Variants in TENM4 observed in about 807,000 individuals in gnomAD.
TENM4 encodes the protein teneurin transmembrane protein 4, also known as teneurin-4.
TENM4 carries 82 observed loss-of-function variants against 243.3 expected under a neutral mutation model. The ratio of observed to expected loss-of-function variants is 0.34; its 90% CI spans 0.28 to 0.40. TENM4 has a LOEUF of 0.40. Among genes scored for constraint, TENM4 ranks in the 10% least tolerant of loss-of-function variants. The pLI, the probability that TENM4 is intolerant of heterozygous loss-of-function variation, is 1.00. For missense variants in TENM4, 3,138 were observed against 3,673.3 expected (o/e 0.85, Z 3.77); for synonymous variants, 1,412 against 1,456.3 (o/e 0.97, Z 0.69).
Position 78,658,438 on chromosome 11 carries a change from C to A in TENM4, c.7930G>T (p.Gly2644Trp), listed in dbSNP as rs776302209. The A allele has an allele frequency of 6.2e-7, 1 of 1,613,878 alleles. No individual in the cohort carries two copies. The highest frequency in any genetic ancestry group is 8.5e-7 in the Non-Finnish European group (1 of 1,179,858). ...LSGGRRTLENGVNVTVSQINT... is the reference protein window; with the variant it reads ...LSGGRRTLENWVNVTVSQINT... ...ATCTGGGACACAGTGACGTTGACCC[C>A]ATTCTCCAGGGTTCGCCGCCCCCCA... The change falls in exon 34 of 34, where the codon GGG (glycine) becomes TGG (tryptophan). Residue 2644 changes from glycine to tryptophan, a missense_variant. Physicochemically the swap from Gly to Trp is radical, Grantham distance 184. Transcript: ENST00000278550.
intron 6 of TENM4, among the ~76,000 whole-genome samples, chr11:79,036,220 A>G (rs1157805473): frequency 6.6e-6 from 1 of 152,224 alleles, no homozygotes; most frequent in East Asian, 1.9e-4. Flanking sequence ...CACTTTGAGG[A>G]GCAAGGCTCC....
At chr11:79,164,301 T>G (rs1489991393) in intron 3 of TENM4, among the ~76,000 whole-genome samples, 4 of 126,490 alleles carry the variant, frequency 3.2e-5, no homozygotes, top group African/African-American at 1.0e-4. Flanking sequence ...TACTAGTATA[T>G]ATAGTATATA....
At chr11:79,147,365 G>T (rs1042951918) in intron 4 of TENM4, among the ~76,000 whole-genome samples, 1 of 152,074 alleles carries the variant, frequency 6.6e-6, no homozygotes, top group African/African-American at 2.4e-5. Flanking sequence ...TATGGCATCA[G>T]TGAGAGATTG....
intron 1 of TENM4, among the ~76,000 whole-genome samples, chr11:79,397,625 G>GT (rs1472421945): frequency 1.3e-5 from 2 of 152,218 alleles, no homozygotes; most frequent in Admixed American, 6.5e-5. Flanking sequence ...CAGAATAAGA[G>GT]TAAGTAGAGA....
intron 1 of TENM4, chr11:79,422,248 TACACAC>T (rs36083983): frequency 0.031 from 4,486 of 142,724 alleles, 211 homozygotes; most frequent in African/African-American, 0.11. Context: ...ACATGGTTCT[TACACAC>T]ACACACACAC....
intron 4 of TENM4, among the ~76,000 whole-genome samples, chr11:79,080,448 T>A (rs1252127338): frequency 6.6e-6 from 1 of 152,196 alleles, no homozygotes; most frequent in African/African-American, 2.4e-5. Context: ...GAAGGAGGAA[T>A]CCCTGGGCCG....
chr11:78,907,850 C>G (rs1349321335), intron 6 of TENM4, among the ~76,000 whole-genome samples: 1 of 152,110 alleles, frequency 6.6e-6, no homozygotes, highest in Non-Finnish European at 1.5e-5. Flanking sequence ...CAATTTATAC[C>G]CTCTTCTTAC....
In TENM4 at chr11:78,756,857, C is replaced by A. The variant is rs547738962; in HGVS notation, c.2704G>T (p.Val902Leu). The A allele has an allele frequency of 6.2e-7, 1 of 1,613,912 alleles. No individual in the cohort carries two copies. The highest frequency in any genetic ancestry group is 8.5e-7 in the Non-Finnish European group (1 of 1,179,880). ...ATTATGTGCGTGCTGTCCCTGCCCA[C>A]GAGGAACTTGATGCGGTCATAGAAG... ...HSFYDRIKFL[V>L]GRDSTHIIPG... Residue 902 changes from valine to leucine, a missense_variant, in exon 19 of 34, where the codon GTG becomes TTG. Val to Leu is a conservative substitution (Grantham distance 32). This residue lies in a region of TENM4 where 2,467 missense variants were observed against 3,059.1 expected (regional missense o/e 0.81). Transcript: ENST00000278550.
At chr11:79,310,773 C>T (rs771793400) in intron 1 of TENM4, among the ~76,000 whole-genome samples, 2 of 152,156 alleles carry the variant, frequency 1.3e-5, no homozygotes, top group Non-Finnish European at 2.9e-5. Flanking sequence ...AGCCCTGCCA[C>T]TGACACAGGT....
chr11:78,720,419 G>A, intron 24 of TENM4, 29 bp from the exon 25 acceptor site: 1 of 1,613,656 alleles, frequency 6.2e-7, no homozygotes, highest in Non-Finnish European at 8.5e-7. Flanking sequence ...GCAGGGAATA[G>A]AAGAAAGAAT....
intron 4 of TENM4, among the ~76,000 whole-genome samples, chr11:79,118,965 T>G (rs562686701): frequency 6.6e-6 from 1 of 152,098 alleles, no homozygotes; most frequent in South Asian, 2.1e-4. Context: ...TTTTTAACTT[T>G]TTGAGGAATT....
At chr11:79,161,589 T>C (rs977627202) in intron 3 of TENM4, among the ~76,000 whole-genome samples, 2 of 152,176 alleles carry the variant, frequency 1.3e-5, no homozygotes, top group African/African-American at 4.8e-5. Flanking sequence ...TGTGGAGTGC[T>C]GACAGCCGCC....
chr11:78,756,558 T>G, intron 19 of TENM4: 2 of 485,170 alleles, frequency 4.1e-6, no homozygotes, highest in South Asian at 4.4e-5. Context: ...GGTTTCTCAC[T>G]GTCTTCATCT....
At chr11:78,832,825 G>A (rs867729694) in intron 12 of TENM4, among the ~76,000 whole-genome samples, 1 of 152,210 alleles carries the variant, frequency 6.6e-6, no homozygotes, top group African/African-American at 2.4e-5. Context: ...CTCTGAACCC[G>A]TACAACAGTG....
At chr11:79,080,106 C>A (rs1010848416) in intron 4 of TENM4, among the ~76,000 whole-genome samples, 2 of 152,228 alleles carry the variant, frequency 1.3e-5, no homozygotes, top group African/African-American at 4.8e-5. Context: ...AGACTGAAGA[C>A]CGGGCTGGTC....
chr11:78,750,873 G>GTA (rs1555075439), intron 19 of TENM4, among the ~76,000 whole-genome samples: 1 of 150,672 alleles, frequency 6.6e-6, no homozygotes, highest in Non-Finnish European at 1.5e-5. Context: ...GTGTGTGTGT[G>GTA]TGTGTGTCTG....
intron 1 of TENM4, among the ~76,000 whole-genome samples, chr11:79,423,428 A>G (rs1188685729): frequency 2.0e-5 from 3 of 151,704 alleles, no homozygotes; most frequent in Admixed American, 6.6e-5. Context: ...TCTCCCCCAT[A>G]CCATCCACAA....
At chr11:78,814,213 G>T in intron 13 of TENM4, 81 bp downstream of exon 13, 1 of 1,353,532 alleles carries the variant, frequency 7.4e-7, no homozygotes, top group Non-Finnish European at 1.0e-6. Flanking sequence ...GCTGGATTCT[G>T]CACTTGCTCT....
rs1158913926 is a variant in TENM4 at position 79,203,880 on chromosome 11, C to T, written c.-163+11928G>A. ...AATGAAATTGTGGAAAGTGAAAGTG[C>T]TATATTTGGCAAGAAAAAGGAATGA... On this transcript the variant is annotated intron_variant, in intron 3 of 33. Transcript: ENST00000278550. Among the ~76,000 whole-genome samples, 11 of 152,268 alleles carry T rather than the reference C, an allele frequency of 7.2e-5. No homozygotes were observed. The East Asian group carries it at 2.1e-3, about 29-fold the overall frequency.
Sources: gnomAD v4.1 joint callset for allele counts (sites outside exome capture counted in the v4.1 genomes callset) on GRCh38, gnomAD v4.1.1 for gene constraint, gnomAD v4.1.1 regional missense constraint, MANE v1.5 for transcripts, NCBI Gene and HGNC (gene_info 2026-07-23, HGNC 2026-07-21) for gene names.